The following DMC1 variants were observed in gnomAD, a reference collection of about 807,000 sequenced individuals.
DMC1 encodes DNA meiotic recombinase 1, also known as meiotic recombination protein DMC1 homolog.
A neutral mutation model predicts 50.1 loss-of-function variants in DMC1; 27 were observed. The observed-to-expected ratio is 0.54, with a 90% CI of 0.40 to 0.74. DMC1 has a LOEUF of 0.74. Among genes scored for constraint, DMC1 ranks in the 30% least tolerant of loss-of-function variants. The pLI, the probability that DMC1 is intolerant of heterozygous loss-of-function variation, is 0.00. For missense variants in DMC1, 295 were observed against 420.2 expected (o/e 0.70, Z 2.60); for synonymous variants, 148 against 136.1 (o/e 1.09, Z -0.61).
chr22:38,511,253 C>T, the DMC1 span, among the ~76,000 whole-genome samples: 3 of 152,058 alleles, frequency 2.0e-5, no homozygotes, highest in African/African-American at 7.2e-5. Flanking sequence ...AATTGCTTAT[C>T]CAACAACCAT....
chr22:38,560,051 A>G (rs1293455785), intron 5 of DMC1, among the ~76,000 whole-genome samples: 2 of 152,058 alleles, frequency 1.3e-5, no homozygotes, highest in Non-Finnish European at 2.9e-5. Flanking sequence ...TAAAAAATAA[A>G]CACAAATAAG....
intron 12 of DMC1, among the ~76,000 whole-genome samples, chr22:38,536,349 T>C (rs969628262): frequency 1.1e-4 from 16 of 152,204 alleles, no homozygotes; most frequent in Non-Finnish European, 1.3e-4. Flanking sequence ...TTATTTTGAT[T>C]GCTTATTCAG....
intron 12 of DMC1, among the ~76,000 whole-genome samples, chr22:38,529,113 C>T (rs1192225391): frequency 2.0e-5 from 3 of 152,024 alleles, no homozygotes; most frequent in Non-Finnish European, 4.4e-5. Flanking sequence ...CAGGTTCAAG[C>T]GATTCTCGTG....
chr22:38,541,845 C>T (rs1351948145), intron 8 of DMC1, among the ~76,000 whole-genome samples: 1 of 151,852 alleles, frequency 6.6e-6, no homozygotes, highest in Non-Finnish European at 1.5e-5. Context: ...CCAAATTCAA[C>T]AATACATTAA....
At chr22:38,512,359 G>A in the DMC1 span, among the ~76,000 whole-genome samples, 8 of 152,052 alleles carry the variant, frequency 5.3e-5, no homozygotes, top group Non-Finnish European at 7.4e-5. Flanking sequence ...CCTTGAAGAC[G>A]GAAGTCAAAA....
chr22:38,523,637 T>C (rs1207624192), intron 12 of DMC1, among the ~76,000 whole-genome samples: 5 of 152,162 alleles, frequency 3.3e-5, no homozygotes, highest in African/African-American at 1.2e-4. Flanking sequence ...CAGTGGGTGT[T>C]CAAAATTGTT....
intron 12 of DMC1, among the ~76,000 whole-genome samples, chr22:38,527,029 A>T (rs966985640): frequency 1.3e-5 from 2 of 152,092 alleles, no homozygotes; most frequent in African/African-American, 2.4e-5. Context: ...GGAGAAATGG[A>T]TACATCCCTG....
At chr22:38,538,170 GT>G in intron 11 of DMC1, 124 bp downstream of exon 11, 1 of 764,764 alleles carries the variant, frequency 1.3e-6, no homozygotes, top group South Asian at 1.6e-5. Flanking sequence ...ACAAAGAGTT[GT>G]ATTCTCATAA....
intron 8 of DMC1, among the ~76,000 whole-genome samples, chr22:38,545,331 A>C (rs1033657013): frequency 2.0e-5 from 3 of 152,188 alleles, no homozygotes; most frequent in Admixed American, 2.0e-4. Context: ...GGATCACTTG[A>C]GTCCTGGATG....
chr22:38,538,994 C>G (rs2090249952), intron 9 of DMC1, among the ~76,000 whole-genome samples: 1 of 151,508 alleles, frequency 6.6e-6, no homozygotes, highest in Non-Finnish European at 1.5e-5. Flanking sequence ...CGAGATCATA[C>G]CACTGCACTC....
At chr22:38,566,531 C>T in intron 4 of DMC1, 59 bp downstream of exon 4, 1 of 1,588,000 alleles carries the variant, frequency 6.3e-7, no homozygotes, top group Non-Finnish European at 8.6e-7. Context: ...CATGAGAAAG[C>T]CTATAAAGAT....
chr22:38,565,166 C>G (rs1186279820), intron 4 of DMC1, among the ~76,000 whole-genome samples: 1 of 152,154 alleles, frequency 6.6e-6, no homozygotes, highest in Non-Finnish European at 1.5e-5. Context: ...TACATAAAAG[C>G]TTGGGTCAAA....
chr22:38,522,935 G>T (rs1602710790), intron 12 of DMC1, among the ~76,000 whole-genome samples: 1 of 152,138 alleles, frequency 6.6e-6, no homozygotes, highest in African/African-American at 2.4e-5. Context: ...CCTGGTTGGT[G>T]CTGAATAGGA....
intron 7 of DMC1, among the ~76,000 whole-genome samples, chr22:38,551,770 G>A (rs2090413592): frequency 6.6e-6 from 1 of 151,578 alleles, no homozygotes; most frequent in Non-Finnish European, 1.5e-5. Context: ...GGAAATTAGA[G>A]AAGTAGAGCA....
At chr22:38,510,629 AT>A in the DMC1 span, among the ~76,000 whole-genome samples, 4 of 152,142 alleles carry the variant, frequency 2.6e-5, no homozygotes, top group Admixed American at 2.0e-4. Flanking sequence ...TGAGTGAGCT[AT>A]TTCCTTCCTC....
At chr22:38,512,068 G>A in the DMC1 span, among the ~76,000 whole-genome samples, 4 of 151,864 alleles carry the variant, frequency 2.6e-5, no homozygotes, top group South Asian at 6.2e-4. Flanking sequence ...TCTGCCTCCC[G>A]GGTTCAAGAG....
chr22:38,521,786 A>G (rs1345908946), intron 12 of DMC1, 62 bp from the exon 13 acceptor site: 9 of 1,115,010 alleles, frequency 8.1e-6, no homozygotes, highest in Non-Finnish European at 1.2e-5. Flanking sequence ...AATATCTGCA[A>G]TTACAAGGCA....
At position 38,568,455 on chromosome 22, in the gene DMC1, GTGTGTGTGTGTGTGTGTGCA is replaced by G. The variant is rs965503556; in HGVS notation, c.-33-186_-33-167del. On this transcript the variant is annotated intron_variant, in intron 1 of 13. Transcript: ENST00000216024. ...CGAGACATGTGACATTATTTCTTGT[GTGTGTGTGTGTGTGTGTGCA>G]TGTGTGTGTGTGTCCCCACATGCAC... 5.3e-6 allele frequency: 3 copies of G among 568,486 alleles called. No homozygotes were observed. The African/African-American group carries it at 5.8e-5, about 11-fold the overall frequency. 35.2% of individuals were successfully genotyped at this position (568,486 alleles called of 1,614,324 possible). A position where few individuals can be genotyped will look rare whatever the true frequency, so the allele number is the denominator to read the frequency against.
chr22:38,568,745 A>G (rs992508567), intron 1 of DMC1, among the ~76,000 whole-genome samples: 1 of 152,202 alleles, frequency 6.6e-6, no homozygotes, highest in Non-Finnish European at 1.5e-5. Context: ...TTTGTCCTCA[A>G]TAAATGGATT....
Sources: gnomAD v4.1 joint callset for allele counts (sites outside exome capture counted in the v4.1 genomes callset) on GRCh38, gnomAD v4.1.1 for gene constraint, MANE v1.5 for transcripts, NCBI Gene and HGNC (gene_info 2026-07-23, HGNC 2026-07-21) for gene names.